The following RHOBTB1 variants were observed in gnomAD, a reference collection of about 807,000 sequenced individuals.
RHOBTB1 encodes Rho related BTB domain containing 1.
RHOBTB1 carries 40 observed loss-of-function variants against 71.6 expected under a neutral mutation model. The ratio of observed to expected loss-of-function variants is 0.56; its 90% confidence interval spans 0.43 to 0.73. The LOEUF is 0.73. Among genes scored for constraint, RHOBTB1 ranks in the 30% least tolerant of loss-of-function variants. The pLI is 0.00. For missense variants in RHOBTB1, 797 were observed against 894.0 expected, an observed-to-expected ratio of 0.89 and a Z score of 1.38; for synonymous variants, 319 against 334.9, an observed-to-expected ratio of 0.95 and a Z score of 0.52.
At chr10:60,916,927 T>C (rs1170858480) in intron 2 of RHOBTB1, among the ~76,000 whole-genome samples, 1 of 152,176 alleles carries the variant, frequency 6.6e-6, no homozygotes, top group Non-Finnish European at 1.5e-5. Flanking sequence ...ATGAAGTTGC[T>C]ATACTGCTGG....
At chr10:60,954,191 C>A (rs2085508519) in intron 2 of RHOBTB1, among the ~76,000 whole-genome samples, 1 of 152,090 alleles carries the variant, frequency 6.6e-6, no homozygotes, top group Non-Finnish European at 1.5e-5. Flanking sequence ...GTTATCAGCT[C>A]CTGTGGGAGA....
intron 2 of RHOBTB1, among the ~76,000 whole-genome samples, chr10:60,922,308 A>G (rs1050798741): frequency 6.6e-6 from 1 of 152,226 alleles, no homozygotes; most frequent in African/African-American, 2.4e-5. Context: ...AAAGAGCCAC[A>G]CCACAAAATG....
At chr10:60,956,386 A>G (rs1264874634) in intron 2 of RHOBTB1, among the ~76,000 whole-genome samples, 1 of 152,188 alleles carries the variant, frequency 6.6e-6, no homozygotes, top group East Asian at 1.9e-4. Context: ...GGACATTACT[A>G]CACATTCCTG....
rs546856768 is a variant in RHOBTB1, at chr10:60,988,517, C to A, written c.-162-2572G>T. On this transcript the variant is annotated intron_variant, in intron 1 of 11. Coordinates refer to the RHOBTB1 transcript ENST00000357917. ...TTCCATTCTTTATGTCCATGTGTACCCAACATTTAGCTCCCACTCATAAGT... is the reference window on the plus strand; with the variant it reads ...TTCCATTCTTTATGTCCATGTGTACACAACATTTAGCTCCCACTCATAAGT... 4.0e-5 allele frequency among the ~76,000 whole-genome samples: 6 copies of A among 151,806 alleles called. No individual in the cohort carries two copies. In the East Asian group the frequency reaches 9.7e-4, roughly 25 times the overall value.
chr10:60,948,203 A>T (rs1326070234), upstream of RHOBTB1, among the ~76,000 whole-genome samples: 1 of 152,210 alleles, frequency 6.6e-6, no homozygotes, highest in African/African-American at 2.4e-5. Context: ...GTTTAAAAAA[A>T]TACATTCTGG....
At chr10:60,887,795 G>T (rs2081660728) in intron 6 of RHOBTB1, among the ~76,000 whole-genome samples, 1 of 152,178 alleles carries the variant, frequency 6.6e-6, no homozygotes, top group Non-Finnish European at 1.5e-5. Context: ...ATTGGTCAGA[G>T]AATAGATTCT....
intron 7 of RHOBTB1, among the ~76,000 whole-genome samples, chr10:60,879,447 C>G (rs2081206338): frequency 6.6e-6 from 1 of 152,132 alleles, no homozygotes. Context: ...AATCCTCCCA[C>G]CTCCACCTCC....
intron 2 of RHOBTB1, among the ~76,000 whole-genome samples, chr10:60,931,483 T>G (rs2084250139): frequency 6.6e-6 from 1 of 152,230 alleles, no homozygotes; most frequent in South Asian, 2.1e-4. Context: ...TATTTTCAAT[T>G]TTCATCCATA....
At chr10:60,928,137 G>C (rs758760571) in intron 2 of RHOBTB1, among the ~76,000 whole-genome samples, 3 of 152,160 alleles carry the variant, frequency 2.0e-5, no homozygotes, top group Non-Finnish European at 4.4e-5. Flanking sequence ...TCTCACCGCA[G>C]TTAAAATGGC....
At chr10:60,950,599 C>T (rs1179429191) in intron 2 of RHOBTB1, among the ~76,000 whole-genome samples, 1 of 152,150 alleles carries the variant, frequency 6.6e-6, no homozygotes, top group African/African-American at 2.4e-5. Context: ...CCCACTACAC[C>T]GCAAAGTTCC....
At chr10:60,987,767 A>G (rs753978824) in intron 1 of RHOBTB1, among the ~76,000 whole-genome samples, 27 of 152,092 alleles carry the variant, frequency 1.8e-4, no homozygotes, top group Non-Finnish European at 3.8e-4. Context: ...ATCTGAGATC[A>G]ATATGTTTTA....
In RHOBTB1 at chr10:60,895,763, T is replaced by C. The variant is rs575771029; in HGVS notation, c.297-2768A>G. On this transcript the variant is annotated intron_variant, in intron 4 of 10. Transcript: ENST00000337910. ...GTCTTGTGGTTAACCCTTGTTGATCTAAATACAAATGCAAGTTAAGAAAAC... is the reference window on the plus strand; with the variant it reads ...GTCTTGTGGTTAACCCTTGTTGATCCAAATACAAATGCAAGTTAAGAAAAC... 3.9e-5 allele frequency among the ~76,000 whole-genome samples: 6 copies of C among 152,378 alleles called. No homozygotes were observed. The East Asian group carries it at 1.2e-3, about 29-fold the overall frequency.
Position 60,872,218 on chromosome 10 carries a change from T to G in RHOBTB1, c.1888A>C (p.Lys630Gln), listed in dbSNP as rs2080826196. The change falls in exon 10 of 11, where the codon AAG (lysine) becomes CAG (glutamine). Residue 630 changes from lysine to glutamine, a missense_variant. Transcript: ENST00000337910. ...TTTGATTTGATTTCCTTACGGAACT[T>G]GGAGCATACACTGTTGTAGTTGGTG... The part of the protein sequence containing the change: ...ICTNYNSVCS[K>Q]FRKEIKSKSA... 1 of 1,614,064 alleles carries G rather than the reference T, an allele frequency of 6.2e-7. No homozygotes were observed. Among genetic ancestry groups the G allele is most frequent in the Non-Finnish European group, 8.5e-7 (1 of 1,179,970 alleles).
At chr10:60,889,700 C>G (rs1395695530) in intron 5 of RHOBTB1, among the ~76,000 whole-genome samples, 1 of 152,082 alleles carries the variant, frequency 6.6e-6, no homozygotes, top group Non-Finnish European at 1.5e-5. Context: ...AGGATCATCA[C>G]TTTACTAGCT....
intron 2 of RHOBTB1, among the ~76,000 whole-genome samples, chr10:60,965,579 C>T (rs574347193): frequency 5.3e-5 from 8 of 152,122 alleles, no homozygotes; most frequent in South Asian, 2.1e-4. Flanking sequence ...GTAATGTGCT[C>T]TTTGATTCTA....
intron 1 of RHOBTB1, among the ~76,000 whole-genome samples, chr10:60,942,990 A>G (rs2084992137): frequency 6.6e-6 from 1 of 152,106 alleles, no homozygotes; most frequent in Non-Finnish European, 1.5e-5. Flanking sequence ...GGCTCAGTGA[A>G]CAGCACAGGA....
At chr10:60,922,750 T>A (rs1010681822) in intron 2 of RHOBTB1, among the ~76,000 whole-genome samples, 1 of 152,214 alleles carries the variant, frequency 6.6e-6, no homozygotes, top group Non-Finnish European at 1.5e-5. Flanking sequence ...TTGCTGAGGA[T>A]GGACCAGGTA....
chr10:60,873,120 A>T (rs1218129208), intron 9 of RHOBTB1, among the ~76,000 whole-genome samples: 1 of 152,196 alleles, frequency 6.6e-6, no homozygotes, highest in African/African-American at 2.4e-5. Flanking sequence ...CCCACTCAAG[A>T]GACTCACTGA....
chr10:60,871,947 G>A (rs2080809044), intron 10 of RHOBTB1: 1 of 613,178 alleles, frequency 1.6e-6, no homozygotes, highest in Admixed American at 2.9e-5. Flanking sequence ...TGCACTCTCT[G>A]CAACAGGGCA....
Sources: gnomAD v4.1 joint callset for allele counts (sites outside exome capture counted in the v4.1 genomes callset) on GRCh38, gnomAD v4.1.1 for gene constraint, MANE v1.5 for transcripts, NCBI Gene and HGNC (gene_info 2026-07-23, HGNC 2026-07-21) for gene names.